The following GPC5 variants were observed in gnomAD, a reference collection of about 807,000 sequenced individuals.
GPC5 encodes glypican-5.
In GPC5, 47 loss-of-function variants were observed where a neutral mutation model predicts 53.9. That is an observed-to-expected ratio of 0.87 (90% CI 0.69 to 1.11). GPC5 has a LOEUF of 1.11. Ranked by LOEUF, GPC5 falls within the 50% of genes most tolerant of loss-of-function variation. GPC5 has a pLI of 0.00. For missense variants in GPC5, 748 were observed against 713.1 expected (o/e 1.05, Z -0.56); for synonymous variants, 286 against 263.3 (o/e 1.09, Z -0.84).
intron 7 of GPC5, among the ~76,000 whole-genome samples, chr13:92,649,126 T>C (rs1885875586): frequency 6.6e-6 from 1 of 152,162 alleles, no homozygotes; most frequent in African/African-American, 2.4e-5. Flanking sequence ...CAATGGCATA[T>C]TTCTAAATTA....
Position 91,692,531 on chromosome 13 carries a change from A to C in GPC5, c.326-656A>C, listed in dbSNP as rs2035778334. ...ATGTGACCATCTTTTATAAATAATG[A>C]AGTCAGATTATGAATTAAATTTCTC... On this transcript the variant is annotated intron_variant, in intron 2 of 7. Coordinates refer to ENST00000377067, the MANE Select transcript of GPC5 (RefSeq NM_004466.6). 2.0e-5 allele frequency among the ~76,000 whole-genome samples: 3 copies of C among 152,222 alleles called. 1 individual carries two copies. In the South Asian group the frequency reaches 6.2e-4, roughly 31 times the overall value.
At chr13:91,887,997 A>T (rs1446807763) in intron 5 of GPC5, among the ~76,000 whole-genome samples, 1 of 152,186 alleles carries the variant, frequency 6.6e-6, no homozygotes, top group Non-Finnish European at 1.5e-5. Context: ...TAATGGCAGT[A>T]CCCTACTCTA....
At chr13:91,509,104 T>C (rs547546779) in intron 2 of GPC5, among the ~76,000 whole-genome samples, 6 of 152,304 alleles carry the variant, frequency 3.9e-5, no homozygotes, top group African/African-American at 1.2e-4. Context: ...TACTGGAATC[T>C]TTCCTGTAAG....
chr13:91,660,347 C>T (rs2034958012), intron 2 of GPC5, among the ~76,000 whole-genome samples: 1 of 152,100 alleles, frequency 6.6e-6, no homozygotes, highest in Admixed American at 6.6e-5. Context: ...TATTGAGTCT[C>T]TTATGAGGCA....
chr13:91,731,639 G>C (rs1438097736), intron 4 of GPC5, among the ~76,000 whole-genome samples: 1 of 151,940 alleles, frequency 6.6e-6, no homozygotes, highest in African/African-American at 2.4e-5. Context: ...TAGGTTTTAA[G>C]TCCTGTATAC....
At chr13:91,628,360 A>G (rs2034064732) in intron 2 of GPC5, among the ~76,000 whole-genome samples, 1 of 152,128 alleles carries the variant, frequency 6.6e-6, no homozygotes, top group East Asian at 1.9e-4. Context: ...TGCAGTTATA[A>G]TTAGTTTCAA....
At chr13:92,119,567 A>ATTTTTTTTTTTTTTT (rs59391576) in intron 6 of GPC5, among the ~76,000 whole-genome samples, 1 of 70,616 alleles carries the variant, frequency 1.4e-5, no homozygotes, top group African/African-American at 5.9e-5. Context: ...CGCCTGGCTA[A>ATTTTTTTTTTTTTTT]TTTTTTTTTT....
At chr13:92,691,113 C>T (rs1887371238) in intron 7 of GPC5, among the ~76,000 whole-genome samples, 1 of 96,426 alleles carries the variant, frequency 1.0e-5, no homozygotes, top group Non-Finnish European at 2.0e-5. Flanking sequence ...AGCTTCCAGG[C>T]TGCTTTGTTT....
At chr13:91,913,398 A>G (rs2039629085) in intron 6 of GPC5, among the ~76,000 whole-genome samples, 1 of 146,998 alleles carries the variant, frequency 6.8e-6, no homozygotes, top group African/African-American at 2.5e-5. Context: ...GACTCTGTCA[A>G]AAAAAAAAAA....
intron 7 of GPC5, among the ~76,000 whole-genome samples, chr13:92,566,895 G>T (rs1233119448): frequency 6.6e-6 from 1 of 151,974 alleles, no homozygotes; most frequent in East Asian, 1.9e-4. Flanking sequence ...TCTGAATTTA[G>T]GTTTTTTGCT....
At chr13:92,273,947 G>A (rs2042857671) in intron 7 of GPC5, among the ~76,000 whole-genome samples, 1 of 152,036 alleles carries the variant, frequency 6.6e-6, no homozygotes, top group South Asian at 2.1e-4. Context: ...TAGTCTAGAG[G>A]GCCCTCCTGG....
intron 7 of GPC5, among the ~76,000 whole-genome samples, chr13:92,474,866 A>T (rs1594232990): frequency 6.6e-6 from 1 of 152,192 alleles, no homozygotes; most frequent in South Asian, 2.1e-4. Flanking sequence ...GAAATTATTC[A>T]AATATATTCA....
intron 7 of GPC5, among the ~76,000 whole-genome samples, chr13:92,575,322 AT>A (rs1883156645): frequency 1.3e-5 from 2 of 152,170 alleles, no homozygotes; most frequent in Admixed American, 1.3e-4. Flanking sequence ...TATTTTTATA[AT>A]TAAAAGAAAA....
intron 7 of GPC5, among the ~76,000 whole-genome samples, chr13:92,338,142 T>G (rs1006301909): frequency 6.6e-6 from 1 of 152,018 alleles, no homozygotes; most frequent in East Asian, 1.9e-4. Flanking sequence ...TGAAAAAAAT[T>G]GGCCAAAGAC....
At chr13:92,023,692 A>ACT (rs1566399306) in intron 6 of GPC5, among the ~76,000 whole-genome samples, 1 of 105,440 alleles carries the variant, frequency 9.5e-6, no homozygotes, top group African/African-American at 3.3e-5. Context: ...ACACACACAC[A>ACT]CACTCTCTCT....
In GPC5 at chr13:92,485,167, T is replaced by G. The variant is rs557163935; in HGVS notation, c.1561+340178T>G. ...GATGGAGGCAAGTCTGTGGAAAGTT[T>G]CAAACACTAAACCTGTGCAAATGAA... On this transcript the variant is annotated intron_variant, in intron 7 of 7. Transcript: ENST00000377067. Among the ~76,000 whole-genome samples, 20 of 152,348 alleles carry G rather than the reference T, an allele frequency of 1.3e-4. No homozygotes were observed. In the South Asian group the frequency reaches 4.1e-3, roughly 32 times the overall value.
intron 7 of GPC5, among the ~76,000 whole-genome samples, chr13:92,590,161 T>C (rs1427966497): frequency 1.3e-5 from 2 of 152,178 alleles, no homozygotes; most frequent in Non-Finnish European, 2.9e-5. Context: ...TAACTGCACA[T>C]AGCCCACTTC....
At chr13:91,478,795 T>TTATATATATGTA (rs1431415864) in intron 2 of GPC5, among the ~76,000 whole-genome samples, 753 of 55,268 alleles carry the variant, frequency 0.014, 28 homozygotes, top group Non-Finnish European at 0.016. Flanking sequence ...CCATTTGAGT[T>TTATATATATGTA]TATATATATA....
chr13:92,195,680 A>G (rs992680511), intron 7 of GPC5, among the ~76,000 whole-genome samples: 6 of 152,220 alleles, frequency 3.9e-5, no homozygotes, highest in African/African-American at 1.4e-4. Flanking sequence ...GCACATGGCA[A>G]ACACGAAATA....
Sources: allele counts gnomAD v4.1 joint callset (sites outside exome capture counted in the v4.1 genomes callset), GRCh38; gene constraint gnomAD v4.1.1; transcripts MANE v1.5; gene names NCBI Gene and HGNC (gene_info 2026-07-23, HGNC 2026-07-21).